The following SBF2 variants were observed in gnomAD, a reference collection of about 807,000 sequenced individuals.
SBF2 encodes the protein myotubularin-related protein 13.
In SBF2, 112 loss-of-function variants were observed where a neutral mutation model predicts 225.2. That is an observed-to-expected ratio of 0.50 (90% confidence interval 0.43 to 0.58). SBF2 has a LOEUF of 0.58. SBF2 is among the 20% of genes least tolerant of loss of function. The pLI is 0.00. For synonymous variants in SBF2, 763 were observed against 773.3 expected (o/e 0.99, Z 0.22); for missense variants, 1,996 against 2,206.2 (o/e 0.90, Z 1.91).
intron 1 of SBF2, among the ~76,000 whole-genome samples, chr11:10,229,049 G>C (rs1338168693): frequency 2.6e-5 from 4 of 152,160 alleles, no homozygotes; most frequent in Non-Finnish European, 4.4e-5. Context: ...TTAGTCTTGG[G>C]AGGGTGTGTC....
At position 9,968,555 on chromosome 11, in the gene SBF2, C is replaced by A; in HGVS notation, c.1396-10G>T. Reference sequence around the variant, plus strand: ...GAGGATTTGGATTCTCCTGTAATATCAGACATAGGTAAAATTACTCCAAGT... The same window carrying A: ...GAGGATTTGGATTCTCCTGTAATATAAGACATAGGTAAAATTACTCCAAGT... On this transcript the variant is annotated splice_polypyrimidine_tract_variant and intron_variant, in intron 13 of 39. Transcript: ENST00000256190. 6.2e-7 allele frequency: 1 copy of A among 1,605,930 alleles called. No individual in the cohort carries two copies. Among genetic ancestry groups the A allele is most frequent in the Non-Finnish European group, 8.5e-7 (1 of 1,172,538 alleles).
In SBF2 at chr11:9,847,109, A is replaced by G. The variant is rs780646490; in HGVS notation, c.2807-26T>C. The G allele has an allele frequency of 2.0e-5, 33 of 1,613,458 alleles. No individual in the cohort carries two copies. The South Asian group carries it at 3.4e-4, about 17-fold the overall frequency. On this transcript the variant is annotated intron_variant, in intron 22 of 39. Transcript: ENST00000256190. The stretch of plus-strand genomic sequence containing the variant: ...CTGTAAATAGACAGGACACAGCTTC[A>G]GCAACAACACTTTATAGCTCACTTT...
chr11:9,786,774 G>A (rs1344020380), intron 36 of SBF2, among the ~76,000 whole-genome samples: 3 of 152,132 alleles, frequency 2.0e-5, no homozygotes, highest in Non-Finnish European at 2.9e-5. Context: ...AGGATACGAA[G>A]GTGTGTACTG....
chr11:10,150,500 AT>A (rs1276407004), intron 2 of SBF2, among the ~76,000 whole-genome samples: 5 of 152,168 alleles, frequency 3.3e-5, no homozygotes, highest in Non-Finnish European at 5.9e-5. Context: ...TTAAATGGAA[AT>A]ATAATAATTT....
intron 2 of SBF2, among the ~76,000 whole-genome samples, chr11:10,135,202 G>A (rs995385005): frequency 1.1e-4 from 16 of 152,206 alleles, no homozygotes; most frequent in African/African-American, 3.9e-4. Context: ...GTCACTGCTA[G>A]AGCAGCTAGG....
chr11:9,900,026 CTTCTTTT>C lies in SBF2; in HGVS notation c.1861-4022_1861-4016del, dbSNP rs1171495413. ...CAAAATTAAACAAGGTTTTCCTTTT[CTTCTTTT>C]TTTTTTTTTTTAAAAAAAAAAAACA... On this transcript the variant is annotated intron_variant, in intron 16 of 39. Transcript: ENST00000256190. 1.1e-4 allele frequency among the ~76,000 whole-genome samples: 11 copies of C among 97,762 alleles called. No homozygotes were observed. In the South Asian group the frequency reaches 1.5e-3, roughly 13 times the overall value. The allele number at this position is 97,762 out of a possible 152,430, so 64.1% of individuals were successfully genotyped here.
chr11:9,824,330 G>C (rs1414262863), intron 28 of SBF2, among the ~76,000 whole-genome samples: 1 of 152,088 alleles, frequency 6.6e-6, no homozygotes, highest in Non-Finnish European at 1.5e-5. Flanking sequence ...AGGCTGAGGT[G>C]GGTGAATCAC....
chr11:10,170,051 G>C (rs1453479593), intron 2 of SBF2, among the ~76,000 whole-genome samples: 1 of 151,932 alleles, frequency 6.6e-6, no homozygotes, highest in East Asian at 1.9e-4. Flanking sequence ...TCACTACACA[G>C]TTGTTTGAGC....
intron 2 of SBF2, among the ~76,000 whole-genome samples, chr11:10,096,140 C>T (rs2134942539): frequency 6.6e-6 from 1 of 152,188 alleles, no homozygotes; most frequent in South Asian, 2.1e-4. Context: ...AAACAAATCT[C>T]TCCATACTTT....
At chr11:10,115,549 C>A (rs1197882838) in intron 2 of SBF2, among the ~76,000 whole-genome samples, 1 of 152,138 alleles carries the variant, frequency 6.6e-6, no homozygotes, top group Non-Finnish European at 1.5e-5. Context: ...TTGGAGTACA[C>A]ATATTTGATA....
Position 10,033,730 on chromosome 11 carries a change from T to C in SBF2, c.280-2560A>G, listed in dbSNP as rs546248001. ...AATTTATTAGGTAAAATAAAGTTTG[T>C]TCTAGAATGGTAATGTGACATTTTT... On this transcript the variant is annotated intron_variant, in intron 3 of 39. Coordinates refer to ENST00000256190, the MANE Select transcript of SBF2 (RefSeq NM_030962.4). 4.0e-5 allele frequency among the ~76,000 whole-genome samples: 6 copies of C among 151,898 alleles called. No individual in the cohort carries two copies. In the East Asian group the frequency reaches 1.2e-3, roughly 29 times the overall value.
At chr11:9,932,249 G>C (rs576386778) in intron 16 of SBF2, among the ~76,000 whole-genome samples, 1 of 152,246 alleles carries the variant, frequency 6.6e-6, no homozygotes, top group African/African-American at 2.4e-5. Context: ...TAGCAAGGCA[G>C]GCCAACATTC....
chr11:9,830,930 T>G (rs1313517419), intron 27 of SBF2, among the ~76,000 whole-genome samples: 1 of 152,206 alleles, frequency 6.6e-6, no homozygotes, highest in Non-Finnish European at 1.5e-5. Flanking sequence ...AGTGATACGC[T>G]TATCGGTGCT....
chr11:10,158,523 TA>T (rs1955579009), intron 2 of SBF2, among the ~76,000 whole-genome samples: 2 of 152,078 alleles, frequency 1.3e-5, no homozygotes, highest in African/African-American at 4.8e-5. Context: ...AATAGAATCA[TA>T]AGAGATTACT....
At chr11:9,820,098 C>G (rs1854665994) in intron 28 of SBF2, among the ~76,000 whole-genome samples, 1 of 151,872 alleles carries the variant, frequency 6.6e-6, no homozygotes, top group Non-Finnish European at 1.5e-5. Flanking sequence ...GATGGCAAAC[C>G]AAAAATTGTG....
At chr11:10,172,022 G>C (rs1265085155) in intron 2 of SBF2, among the ~76,000 whole-genome samples, 1 of 151,850 alleles carries the variant, frequency 6.6e-6, no homozygotes, top group Non-Finnish European at 1.5e-5. Context: ...TTATTTATTT[G>C]GGTCTTTATT....
At chr11:10,068,734 T>C (rs1024373937) in intron 2 of SBF2, among the ~76,000 whole-genome samples, 3 of 152,266 alleles carry the variant, frequency 2.0e-5, no homozygotes, top group East Asian at 3.9e-4. Flanking sequence ...TCAGCCCCCG[T>C]CACCCCTTTC....
At chr11:9,986,191 A>G (rs1947190664) in intron 13 of SBF2, among the ~76,000 whole-genome samples, 1 of 152,208 alleles carries the variant, frequency 6.6e-6, no homozygotes, top group African/African-American at 2.4e-5. Flanking sequence ...GCATTCAGTC[A>G]AAAATGAAAT....
Position 9,789,098 on chromosome 11 carries a change from A to G in SBF2, c.4932+11T>C. ...CTGGTGCCCCTAGGTGTGTGTCTAC[A>G]GTTGACTTACACTGAAAAGGCTGGT... On this transcript the variant is annotated intron_variant, in intron 35 of 39. Transcript: ENST00000256190. 6.2e-7 allele frequency: 1 copy of G among 1,612,592 alleles called. No homozygotes were observed. The highest frequency in any genetic ancestry group is 8.5e-7 in the Non-Finnish European group (1 of 1,178,604).
Sources: gnomAD v4.1 joint callset for allele counts (sites outside exome capture counted in the v4.1 genomes callset) on GRCh38, gnomAD v4.1.1 for gene constraint, MANE v1.5 for transcripts, NCBI Gene and HGNC (gene_info 2026-07-23, HGNC 2026-07-21) for gene names.